Variants in PARPBP observed in about 807,000 individuals in gnomAD.
PARPBP encodes PARP1 binding protein.
A neutral mutation model predicts 50.0 loss-of-function variants in PARPBP; 52 were observed. That is an observed-to-expected ratio of 1.04 (90% CI 0.83 to 1.31). The LOEUF is 1.31. PARPBP is among the 50% of genes most tolerant of loss of function. The pLI is 0.00. For missense variants in PARPBP, 697 were observed against 672.0 expected, an observed-to-expected ratio of 1.04 and a Z score of -0.41; for synonymous variants, 244 against 232.1, an observed-to-expected ratio of 1.05 and a Z score of -0.47.
intron 1 of PARPBP, chr12:102,120,535 A>G: frequency 2.2e-6 from 1 of 456,378 alleles, no homozygotes; most frequent in Non-Finnish European, 4.4e-6. Context: ...ACAGGCCCGT[A>G]GAGGCCTGCT....
chr12:102,147,063 A>T (rs1301878888), intron 2 of PARPBP, among the ~76,000 whole-genome samples: 1 of 152,126 alleles, frequency 6.6e-6, no homozygotes, highest in Non-Finnish European at 1.5e-5. Context: ...AAAAGTCAGG[A>T]TACAACACGT....
intron 3 of PARPBP, among the ~76,000 whole-genome samples, chr12:102,153,403 T>C (rs1565875923): frequency 2.0e-5 from 3 of 152,202 alleles, no homozygotes; most frequent in Non-Finnish European, 4.4e-5. Flanking sequence ...TGGAGTGCAG[T>C]GGTGTAGTCG....
rs1889192379 is a variant in PARPBP, at chr12:102,175,635, C to T, written c.974C>T (p.Ala325Val). The change falls in exon 7 of 11, where the codon GCT (alanine) becomes GTT (valine). Residue 325 changes from alanine (A) to valine (V), a missense_variant. Transcript: ENST00000327680. ...NIINSQEGVV[A>V]LSTTDISPAR... ...ATCAATTCTCAAGAAGGTGTTGTAG[C>T]TCTTAGCACCACTGACATCAGTCCT... 6.2e-7 allele frequency: 1 copy of T among 1,613,202 alleles called. No individual in the cohort carries two copies. Among genetic ancestry groups the T allele is most frequent in the Non-Finnish European group, 8.5e-7 (1 of 1,179,278 alleles).
chr12:102,171,121 A>C (rs1395679670), intron 6 of PARPBP, among the ~76,000 whole-genome samples: 1 of 150,546 alleles, frequency 6.6e-6, no homozygotes, highest in Admixed American at 6.6e-5. Context: ...CTCCTGAAGG[A>C]CCTGCCTGAG....
rs551401488 is a variant in PARPBP, at chr12:102,196,958, G to A, written c.*667G>A. On this transcript the variant is annotated 3_prime_UTR_variant, in exon 11 of 11. Coordinates refer to ENST00000327680, the MANE Select transcript of PARPBP (RefSeq NM_017915.5). Reference sequence around the variant, plus strand: ...TGGTAGGATGTAAGAATTGAATTTTGAAAAGACTACTCACTGTCAAAATCT... The same window carrying A: ...TGGTAGGATGTAAGAATTGAATTTTAAAAAGACTACTCACTGTCAAAATCT... 3.2e-4 allele frequency: 503 copies of A among 1,595,286 alleles called. 9 individuals are homozygous for A. In the South Asian group the frequency reaches 5.3e-3, roughly 17 times the overall value.
intron 9 of PARPBP, among the ~76,000 whole-genome samples, chr12:102,185,945 GGC>G (rs1430988139): frequency 2.2e-4 from 33 of 151,976 alleles, no homozygotes; most frequent in Admixed American, 1.2e-3. Context: ...TGAGCCACCC[GGC>G]CCAGCTGCTG....
rs1194870151 is a variant in PARPBP, at chr12:102,164,499, A to G, written c.557A>G (p.Asn186Ser). The G allele has an allele frequency of 1.9e-6, 3 of 1,613,180 alleles. No individual in the cohort carries two copies. Among genetic ancestry groups the G allele is most frequent in the Non-Finnish European group, 2.5e-6 (3 of 1,179,202 alleles). Reference protein sequence around the residue: ...SYLNLLVNSKNDLAVAYILNI... With the variant: ...SYLNLLVNSKSDLAVAYILNI... ...TTAAATCTGCTAGTGAATTCAAAGAATGACCTGGCTGTGGCTTATATTCTC... is the reference window on the plus strand; with the variant it reads ...TTAAATCTGCTAGTGAATTCAAAGAGTGACCTGGCTGTGGCTTATATTCTC... Residue 186 changes from asparagine to serine, a missense_variant, in exon 5 of 11, where the codon AAT becomes AGT. By Grantham distance (46) the Asn-to-Ser change is conservative. Coordinates refer to ENST00000327680, the MANE Select transcript of PARPBP (RefSeq NM_017915.5).
intron 2 of PARPBP, among the ~76,000 whole-genome samples, chr12:102,130,530 G>C (rs541069389): frequency 6.6e-6 from 1 of 152,046 alleles, no homozygotes; most frequent in Non-Finnish European, 1.5e-5. Flanking sequence ...AAAGAACTTA[G>C]ACAGATTTAC....
chr12:102,180,457 C>T (rs537417850), intron 8 of PARPBP, among the ~76,000 whole-genome samples: 1 of 152,238 alleles, frequency 6.6e-6, no homozygotes, highest in Non-Finnish European at 1.5e-5. Context: ...AATCCCGGAG[C>T]TTTAGGAGGC....
Position 102,156,176 on chromosome 12 carries a change from C to CTTTTTTTTTTTTTTT in PARPBP, c.495+2214_495+2228dup, listed in dbSNP as rs869213784. Among the ~76,000 whole-genome samples, 3 of 66,184 alleles carry CTTTTTTTTTTTTTTT rather than the reference C, an allele frequency of 4.5e-5. 1 individual carries two copies. Among genetic ancestry groups the CTTTTTTTTTTTTTTT allele is most frequent in the African/African-American group, 2.0e-4 (3 of 14,786 alleles). 43.4% of individuals were successfully genotyped at this position (66,184 alleles called of 152,430 possible). On this transcript the variant is annotated intron_variant, in intron 4 of 10. Transcript: ENST00000327680. ...CATATTTGGCTCAGAATTAACCTTCCTTTTTTTTTTTTTTTTTTTTTTTTT... is the reference window on the plus strand; with the variant it reads ...CATATTTGGCTCAGAATTAACCTTCCTTTTTTTTTTTTTTTTTTTTTTTTTTTTTTTTTTTTTTTT...
intron 4 of PARPBP, among the ~76,000 whole-genome samples, chr12:102,156,453 A>G (rs1000769491): frequency 4.6e-5 from 7 of 151,842 alleles, no homozygotes; most frequent in Non-Finnish European, 8.8e-5. Context: ...TGGCCTCCCA[A>G]AGTGCTGGGA....
At chr12:102,154,642 T>C (rs1886638518) in intron 4 of PARPBP, among the ~76,000 whole-genome samples, 2 of 152,188 alleles carry the variant, frequency 1.3e-5, no homozygotes, top group South Asian at 2.1e-4. Context: ...CCCTCTATAA[T>C]GTGGTTTACT....
In PARPBP at chr12:102,197,047, G is replaced by C; in HGVS notation, c.*756G>C. The C allele has an allele frequency of 1.2e-6, 2 of 1,611,964 alleles. No individual in the cohort carries two copies. The highest frequency in any genetic ancestry group is 4.5e-5 in the East Asian group (2 of 44,784). On this transcript the variant is annotated 3_prime_UTR_variant, in exon 11 of 11. Transcript: ENST00000327680. ...CCCAATTTCTCTCTTTTCTTGTGTT[G>C]ATTCAGTATTCTGAACTCCATTCTC... is the stretch of plus-strand genomic sequence containing the variant.
intron 9 of PARPBP, among the ~76,000 whole-genome samples, chr12:102,191,952 G>C (rs1489713759): frequency 6.6e-6 from 1 of 152,106 alleles, no homozygotes; most frequent in East Asian, 1.9e-4. Flanking sequence ...AATACACAGA[G>C]AGATTTGGAA....
chr12:102,195,848 TTTG>T, intron 10 of PARPBP, 100 bp from the exon 11 acceptor site: 3 of 691,164 alleles, frequency 4.3e-6, no homozygotes, highest in Non-Finnish European at 7.2e-6. Flanking sequence ...ACTTTAAAAA[TTTG>T]AATATTCGTT....
At chr12:102,124,256 T>A (rs759388252) in intron 2 of PARPBP, among the ~76,000 whole-genome samples, 1 of 152,224 alleles carries the variant, frequency 6.6e-6, no homozygotes, top group Non-Finnish European at 1.5e-5. Context: ...TTATGTATGG[T>A]TATACACGGG....
In PARPBP at chr12:102,164,546, G is replaced by C; in HGVS notation, c.604G>C (p.Gly202Arg). ...TCTCAATATTCCTGATAGAGGACTA[G>C]GAAGAGAAGCCTTCACTGATTTGAA... The part of the protein sequence containing the change: ...YILNIPDRGL[G>R]REAFTDLKHA... Residue 202 changes from glycine (G) to arginine (R), a missense_variant, in exon 5 of 11, where the codon GGA becomes CGA. Gly to Arg is a moderately radical substitution (Grantham distance 125). Coordinates refer to ENST00000327680, the MANE Select transcript of PARPBP (RefSeq NM_017915.5). 2 of 1,613,072 alleles carry C rather than the reference G, an allele frequency of 1.2e-6. No homozygotes were observed. Among genetic ancestry groups the C allele is most frequent in the Non-Finnish European group, 1.7e-6 (2 of 1,179,160 alleles).
chr12:102,147,082 G>A (rs1264577692), intron 2 of PARPBP, among the ~76,000 whole-genome samples: 3 of 152,144 alleles, frequency 2.0e-5, no homozygotes, highest in African/African-American at 7.2e-5. Context: ...GTGCTGGAGA[G>A]GATGTGGAAA....
chr12:102,178,887 AAGTT>A, intron 8 of PARPBP, 117 bp downstream of exon 8: 1 of 603,120 alleles, frequency 1.7e-6, no homozygotes, highest in Non-Finnish European at 2.7e-6. Flanking sequence ...AAGAAAATAA[AAGTT>A]AATTAAAGGG....
Sources: allele counts gnomAD v4.1 joint callset (sites outside exome capture counted in the v4.1 genomes callset), GRCh38; gene constraint gnomAD v4.1.1; transcripts MANE v1.5; gene names NCBI Gene and HGNC (gene_info 2026-07-23, HGNC 2026-07-21).